DOCK8: variants seen among roughly 807,000 people sequenced by gnomAD.
DOCK8 encodes dedicator of cytokinesis 8.
A neutral mutation model predicts 245.6 loss-of-function variants in DOCK8; 141 were observed. The observed-to-expected ratio is 0.57, with a 90% CI of 0.50 to 0.66. The LOEUF (loss-of-function observed/expected upper bound fraction) is 0.66. Among genes scored for constraint, DOCK8 ranks in the 30% least tolerant of loss-of-function variants. The pLI, the probability that DOCK8 is intolerant of heterozygous loss-of-function variation, is 0.00. For synonymous variants in DOCK8, 1,168 were observed against 970.2 expected, an observed-to-expected ratio of 1.20 and a Z score of -3.79; for missense variants, 2,965 against 2,603.4, an observed-to-expected ratio of 1.14 and a Z score of -3.02.
intron 1 of DOCK8, among the ~76,000 whole-genome samples, chr9:266,872 A>G (rs2048045496): frequency 6.6e-6 from 1 of 151,842 alleles, no homozygotes; most frequent in Admixed American, 6.5e-5. Flanking sequence ...ATCATGATAT[A>G]AATCTAACAT....
At chr9:426,363 T>A (rs909556145) in intron 33 of DOCK8, among the ~76,000 whole-genome samples, 5 of 152,114 alleles carry the variant, frequency 3.3e-5, no homozygotes, top group Non-Finnish European at 5.9e-5. Context: ...AACCTCAAGG[T>A]GATCTTTGGG....
At chr9:307,328 GGTTTTTTTTGTTTTTTTTTT>G (rs2049881717) in intron 5 of DOCK8, among the ~76,000 whole-genome samples, 1 of 64,548 alleles carries the variant, frequency 1.5e-5, no homozygotes, top group Admixed American at 1.8e-4. Flanking sequence ...TGTTGTGTGT[GGTTTTTTTTGTTTTTTTTTT>G]TTTTTTTTTT....
At chr9:341,436 A>T (rs982575231) in intron 14 of DOCK8, among the ~76,000 whole-genome samples, 1 of 152,188 alleles carries the variant, frequency 6.6e-6, no homozygotes, top group African/African-American at 2.4e-5. Context: ...TATAAAAATC[A>T]TCTCTTCCCC....
intron 33 of DOCK8, 81 bp from the exon 34 acceptor site, chr9:426,804 C>A: frequency 9.1e-7 from 1 of 1,104,196 alleles, no homozygotes; most frequent in Non-Finnish European, 1.4e-6. Context: ...GATTTCTTTA[C>A]ACCTTGGTGT....
chr9:215,248 T>C, intron 1 of DOCK8: 1 of 1,590,614 alleles, frequency 6.3e-7, no homozygotes, highest in Non-Finnish European at 8.5e-7. Context: ...CCCAAGAATC[T>C]CGGTGCTCCT....
chr9:457,562 C>T (rs774010019), intron 46 of DOCK8, among the ~76,000 whole-genome samples: 8 of 152,154 alleles, frequency 5.3e-5, no homozygotes, highest in Non-Finnish European at 1.2e-4. Flanking sequence ...AATCATAAGA[C>T]ACAGTGATGC....
intron 24 of DOCK8, among the ~76,000 whole-genome samples, chr9:394,757 T>C (rs946902800): frequency 2.6e-5 from 4 of 152,172 alleles, no homozygotes; most frequent in African/African-American, 9.7e-5. Context: ...AAGGCCCATA[T>C]AGGGGGAAAG....
At chr9:366,115 T>A (rs1432902147) in intron 14 of DOCK8, 1 of 168,562 alleles carries the variant, frequency 5.9e-6, no homozygotes, top group African/African-American at 2.4e-5. Flanking sequence ...TCAGTCTAGG[T>A]GCCTCCTGGC....
chr9:222,719 A>T (rs1315289467), intron 1 of DOCK8, among the ~76,000 whole-genome samples: 1 of 152,212 alleles, frequency 6.6e-6, no homozygotes, highest in African/African-American at 2.4e-5. Context: ...GAGAACTTCT[A>T]TCCTTTTTCA....
rs182588117 is a variant in DOCK8, at chr9:333,435, G to A, written c.1126-790G>A. On this transcript the variant is annotated intron_variant, in intron 10 of 47. Transcript: ENST00000432829. ...GCCAACACGGTGAAACCCCGTCTCT[G>A]CTAAAAATACAAAAAATTAGCCGGG... is the stretch of plus-strand genomic sequence containing the variant. Among the ~76,000 whole-genome samples, 941 of 151,866 alleles carry A rather than the reference G, an allele frequency of 6.2e-3. 4 individuals carry two copies. Among genetic ancestry groups the A allele is most frequent in the African/African-American group, 0.013 (529 of 41,302 alleles).
intron 1 of DOCK8, among the ~76,000 whole-genome samples, chr9:252,161 A>C (rs2047665864): frequency 6.6e-6 from 1 of 151,654 alleles, no homozygotes; most frequent in Non-Finnish European, 1.5e-5. Flanking sequence ...TTTAACATAG[A>C]CGGGGGTCTC....
intron 9 of DOCK8, among the ~76,000 whole-genome samples, chr9:331,097 A>G (rs1281526528): frequency 6.6e-6 from 1 of 152,210 alleles, no homozygotes; most frequent in Non-Finnish European, 1.5e-5. Flanking sequence ...TTCATGGAAA[A>G]ATTAGCTTCC....
chr9:396,749 T>C (rs2297077), intron 24 of DOCK8, 36 bp from the exon 25 acceptor site: 1 of 1,613,364 alleles, frequency 6.2e-7, no homozygotes, highest in Non-Finnish European at 8.5e-7. Flanking sequence ...AGGTCACCAA[T>C]CTCCATGTTG....
chr9:254,704 T>C (rs2047727754), intron 1 of DOCK8, among the ~76,000 whole-genome samples: 1 of 152,162 alleles, frequency 6.6e-6, no homozygotes, highest in South Asian at 2.1e-4. Flanking sequence ...TCCTTCTACT[T>C]CCATTTGAGT....
chr9:400,362 C>T (rs1396314268), intron 26 of DOCK8, among the ~76,000 whole-genome samples: 1 of 103,776 alleles, frequency 9.6e-6, no homozygotes, highest in Non-Finnish European at 2.0e-5. Flanking sequence ...CCTCCTCCAC[C>T]ATCACCACCT....
At chr9:361,717 A>T (rs1429102807) in intron 14 of DOCK8, among the ~76,000 whole-genome samples, 2 of 152,170 alleles carry the variant, frequency 1.3e-5, no homozygotes, top group African/African-American at 2.4e-5. Context: ...CTCCTTTTTT[A>T]AAAAAGGCGT....
chr9:220,793 T>C, intron 1 of DOCK8: 1 of 378,568 alleles, frequency 2.6e-6, no homozygotes, highest in Admixed American at 3.5e-5. Context: ...CCATCTCGGC[T>C]CACTGCAACC....
chr9:311,293 A>AAAG (rs1663920207), intron 5 of DOCK8, among the ~76,000 whole-genome samples: 1 of 151,730 alleles, frequency 6.6e-6, no homozygotes, highest in African/African-American at 2.4e-5. Context: ...TTTAAAAAAA[A>AAAG]AAAAAAGGTA....
rs1331770602 is a variant in DOCK8 at position 382,502 on chromosome 9, GT to G, written c.2606-10del. 1 of 1,613,216 alleles carries G rather than the reference GT, an allele frequency of 6.2e-7. No homozygotes were observed. The highest frequency in any genetic ancestry group is 8.5e-7 in the Non-Finnish European group (1 of 1,179,860). On this transcript the variant is annotated splice_polypyrimidine_tract_variant and intron_variant, in intron 21 of 47. Transcript: ENST00000432829. ...CTGTCTGTTGACATGTCTCTGCCTG[GT>G]GGGGTGCAGGCGCTCCCACTGCCCT...
Sources: gnomAD v4.1 joint callset for allele counts (sites outside exome capture counted in the v4.1 genomes callset) on GRCh38, gnomAD v4.1.1 for gene constraint, MANE v1.5 for transcripts, NCBI Gene and HGNC (gene_info 2026-07-23, HGNC 2026-07-21) for gene names.